Variants in ADAMTS19 observed in about 807,000 individuals in gnomAD.
ADAMTS19 encodes A disintegrin and metalloproteinase with thrombospondin motifs 19.
ADAMTS19 carries 93 observed loss-of-function variants against 153.3 expected under a neutral mutation model. The observed-to-expected ratio is 0.61, with a 90% CI of 0.51 to 0.72. The LOEUF (loss-of-function observed/expected upper bound fraction) is 0.72. ADAMTS19 is among the 30% of genes least tolerant of loss of function. ADAMTS19 has a pLI of 0.00. For synonymous variants in ADAMTS19, 600 were observed against 556.6 expected, an observed-to-expected ratio of 1.08 and a Z score of -1.10; for missense variants, 1,482 against 1,552.1, an observed-to-expected ratio of 0.95 and a Z score of 0.76.
intron 7 of ADAMTS19, among the ~76,000 whole-genome samples, chr5:129,562,553 C>A (rs1753559594): frequency 6.6e-6 from 1 of 152,132 alleles, no homozygotes; most frequent in Non-Finnish European, 1.5e-5. Context: ...TCCCAGGTTT[C>A]TGCATAACCC....
In ADAMTS19 at chr5:129,605,813, C is replaced by G. The variant is rs184941305; in HGVS notation, c.1478+9149C>G. Among the ~76,000 whole-genome samples the G allele has an allele frequency of 3.4e-3, 510 of 152,220 alleles. 1 individual carries two copies. Among genetic ancestry groups the G allele is most frequent in the Non-Finnish European group, 5.3e-3 (363 of 68,020 alleles). Reference sequence around the variant, plus strand: ...GCATTAAACATATACCACTTACCCACTGATTGAGAACTTTTTATGATAATT... The same window carrying G: ...GCATTAAACATATACCACTTACCCAGTGATTGAGAACTTTTTATGATAATT... On this transcript the variant is annotated intron_variant, in intron 8 of 22. Transcript: ENST00000274487.
intron 6 of ADAMTS19, among the ~76,000 whole-genome samples, chr5:129,530,409 G>A (rs1156395510): frequency 6.6e-6 from 1 of 152,120 alleles, no homozygotes; most frequent in African/African-American, 2.4e-5. Flanking sequence ...GCACATCATA[G>A]GAAAATTGCT....
intron 8 of ADAMTS19, among the ~76,000 whole-genome samples, chr5:129,608,271 T>C (rs1451090392): frequency 6.6e-6 from 1 of 151,496 alleles, no homozygotes; most frequent in Non-Finnish European, 1.5e-5. Flanking sequence ...ATCTTATTCA[T>C]ATGTGGAATC....
Position 129,669,957 on chromosome 5 carries a change from G to A in ADAMTS19, c.2506+4378G>A, listed in dbSNP as rs115404424. On this transcript the variant is annotated intron_variant, in intron 16 of 22. Coordinates refer to ENST00000274487, the MANE Select transcript of ADAMTS19 (RefSeq NM_133638.6). ...TTTGTATGATATTTACCTTTTAAGAGCATAGATAGATATGTGGTGGGGGGT... is the reference window on the plus strand; with the variant it reads ...TTTGTATGATATTTACCTTTTAAGAACATAGATAGATATGTGGTGGGGGGT... Among the ~76,000 whole-genome samples, 283 of 152,134 alleles carry A rather than the reference G, an allele frequency of 1.9e-3. 1 individual carries two copies. Among genetic ancestry groups the A allele is most frequent in the African/African-American group, 6.5e-3 (270 of 41,524 alleles).
chr5:129,596,707 C>A (rs768655154), intron 8 of ADAMTS19, 43 bp downstream of exon 8: 3 of 1,391,480 alleles, frequency 2.2e-6, no homozygotes, highest in East Asian at 4.9e-5. Context: ...TAGCATATAA[C>A]TTTGTAATTC....
chr5:129,461,173 G>A lies in ADAMTS19; in HGVS notation c.163G>A (p.Asp55Asn). The A allele has an allele frequency of 1.4e-6, 2 of 1,380,452 alleles. No homozygotes were observed. The highest frequency in any genetic ancestry group is 1.9e-6 in the Non-Finnish European group (2 of 1,063,748). 85.5% of individuals were successfully genotyped at this position (1,380,452 alleles called of 1,614,324 possible). Residue 55 changes from aspartate (D) to asparagine (N), a missense_variant, in exon 2 of 23, where the codon GAC (aspartate) becomes AAC (asparagine). By Grantham distance (23) the Asp-to-Asn change is conservative. This residue lies in a region of ADAMTS19 where 866 missense variants were observed against 827.7 expected (regional missense o/e 1.05). Coordinates refer to ENST00000274487, the MANE Select transcript of ADAMTS19 (RefSeq NM_133638.6). This position sits in a 1 kb window ranked among gnomAD's most constrained non-coding sequence, Gnocchi z 4.6. ...TGCGCTCTGGCGCCGGGAGCCGGTGGACCCGGCTGGCGGCAGCGGGGGCAG... is the reference window on the plus strand; with the variant it reads ...TGCGCTCTGGCGCCGGGAGCCGGTGAACCCGGCTGGCGGCAGCGGGGGCAG... Reference protein sequence around the residue: ...FPALWRREPVDPAGGSGGSAD... With the variant: ...FPALWRREPVNPAGGSGGSAD...
In ADAMTS19 at chr5:129,461,112, C is replaced by T; in HGVS notation, c.102C>T (p.Phe34=). 7.1e-7 allele frequency: 1 copy of T among 1,415,294 alleles called. No individual in the cohort carries two copies. Among genetic ancestry groups the T allele is most frequent in the Non-Finnish European group, 9.2e-7 (1 of 1,083,414 alleles). 87.7% of individuals were successfully genotyped at this position (1,415,294 alleles called of 1,614,324 possible). Residue 34 remains phenylalanine (F), a synonymous_variant, in exon 2 of 23, where the codon TTC becomes TTT. Transcript: ENST00000274487. This position sits in a 1 kb window ranked among gnomAD's most constrained non-coding sequence, Gnocchi z 4.6. ...CTGCCCCGCCCGCAGAGCTGCAGTT[C>T]GCCCCCGACCGCGAGGAGTGGGAAG... The part of the protein sequence containing the change: ...LSNGIVSELQ[F]APDREEWEVV...
chr5:129,663,769 A>G (rs917313661), intron 15 of ADAMTS19, among the ~76,000 whole-genome samples: 5 of 152,310 alleles, frequency 3.3e-5, no homozygotes. Context: ...GGTCCTTGCT[A>G]TAGAATGTTT....
intron 15 of ADAMTS19, among the ~76,000 whole-genome samples, chr5:129,663,891 A>T (rs958203993): frequency 2.0e-5 from 3 of 152,216 alleles, no homozygotes; most frequent in Non-Finnish European, 4.4e-5. Flanking sequence ...TTCAAGTGCC[A>T]CTAACCACAC....
At chr5:129,626,557 T>C (rs1037166851) in intron 10 of ADAMTS19, among the ~76,000 whole-genome samples, 1 of 152,086 alleles carries the variant, frequency 6.6e-6, no homozygotes, top group African/African-American at 2.4e-5. Context: ...TGTTCTCCTT[T>C]TTATTTTCTC....
rs769860278 is a variant in ADAMTS19 at position 129,461,715 on chromosome 5, C to T, written c.705C>T (p.His235=). 3 of 1,515,862 alleles carry T rather than the reference C, an allele frequency of 2.0e-6. No individual in the cohort carries two copies. 93.9% of individuals were successfully genotyped at this position (1,515,862 alleles called of 1,614,324 possible). The part of the protein sequence containing the change: ...GCFYTGAVLR[H]PGSLASFSTC... ...TCTACACCGGAGCTGTGCTGCGGCACCCTGGCTCGCTGGCTTCTTTCAGCA... is the reference window on the plus strand; with the variant it reads ...TCTACACCGGAGCTGTGCTGCGGCATCCTGGCTCGCTGGCTTCTTTCAGCA... The change falls in exon 2 of 23, where the codon CAC becomes CAT. Residue 235 remains histidine (H), a synonymous_variant. Coordinates refer to ENST00000274487, the MANE Select transcript of ADAMTS19 (RefSeq NM_133638.6). The surrounding 1 kb of genome is among the most constrained non-coding windows in gnomAD (Gnocchi z 4.6).
intron 8 of ADAMTS19, among the ~76,000 whole-genome samples, chr5:129,614,600 G>C (rs1203284848): frequency 3.3e-5 from 5 of 152,068 alleles, no homozygotes; most frequent in African/African-American, 4.8e-5. Context: ...GCAAAAACTG[G>C]AAGCATTCCC....
chr5:129,575,487 A>G (rs112075542), intron 7 of ADAMTS19, among the ~76,000 whole-genome samples: 5 of 152,020 alleles, frequency 3.3e-5, no homozygotes, highest in African/African-American at 9.7e-5. Context: ...CATCTTACCT[A>G]TTTTTCAGAG....
chr5:129,730,928 T>TTTTTGTTTTG lies in ADAMTS19; in HGVS notation c.3313-3965_3313-3956dup, dbSNP rs143197904. The stretch of plus-strand genomic sequence containing the variant: ...CTGGATTTGAGATAGTGTTGTTGTT[T>TTTTTGTTTTG]TTTTGTTTTGTTTTGTTTTGTTTTG... On this transcript the variant is annotated intron_variant, in intron 21 of 22. Coordinates refer to ENST00000274487, the MANE Select transcript of ADAMTS19 (RefSeq NM_133638.6). 6.1e-4 allele frequency among the ~76,000 whole-genome samples: 90 copies of TTTTTGTTTTG among 147,438 alleles called. No homozygotes were observed. In the East Asian group the frequency reaches 8.2e-3, roughly 13 times the overall value.
chr5:129,570,828 G>A (rs7448187), intron 7 of ADAMTS19, among the ~76,000 whole-genome samples: 129,605 of 151,850 alleles, frequency 0.85, 55,486 homozygotes, highest in Non-Finnish European at 0.89. Flanking sequence ...TGTTGACCAT[G>A]TCAACTGATG....
intron 2 of ADAMTS19, among the ~76,000 whole-genome samples, chr5:129,491,286 G>T (rs1298961134): frequency 6.6e-6 from 1 of 152,172 alleles, no homozygotes; most frequent in Non-Finnish European, 1.5e-5. Flanking sequence ...ACAGGCGTGA[G>T]CCACCAGGCC....
intron 21 of ADAMTS19, among the ~76,000 whole-genome samples, chr5:129,714,552 G>C (rs1035403142): frequency 4.0e-5 from 6 of 151,820 alleles, no homozygotes; most frequent in Admixed American, 2.0e-4. Context: ...TGCACACACA[G>C]AAGTAATATG....
intron 16 of ADAMTS19, among the ~76,000 whole-genome samples, chr5:129,665,858 A>T (rs1041022232): frequency 2.1e-5 from 3 of 144,416 alleles, no homozygotes; most frequent in Non-Finnish European, 3.0e-5. Context: ...ACCTCATTGA[A>T]TGATTTGGGT....
At chr5:129,653,123 C>T (rs1753389167) in intron 13 of ADAMTS19, among the ~76,000 whole-genome samples, 1 of 152,174 alleles carries the variant, frequency 6.6e-6, no homozygotes, top group African/African-American at 2.4e-5. Context: ...CAAAGTGATA[C>T]CCTGTTCCAT....
Sources: gnomAD v4.1 joint callset for allele counts (sites outside exome capture counted in the v4.1 genomes callset) on GRCh38, gnomAD v4.1.1 for gene constraint, gnomAD v4.1.1 regional missense constraint, Gnocchi (gnomAD v3.1) non-coding constraint, MANE v1.5 for transcripts, NCBI Gene and HGNC (gene_info 2026-07-23, HGNC 2026-07-21) for gene names.